GRID1: variants seen among roughly 807,000 people sequenced by gnomAD.
The protein encoded by GRID1 is glutamate ionotropic receptor delta type subunit 1.
A neutral mutation model predicts 98.0 loss-of-function variants in GRID1; 28 were observed. The observed-to-expected ratio is 0.29, with a 90% CI of 0.21 to 0.39. GRID1 has a LOEUF of 0.39. Ranked by LOEUF, GRID1 falls within the 10% of genes least tolerant of loss-of-function variation. The pLI is 1.00. For missense variants in GRID1, 1,111 were observed against 1,340.5 expected, an observed-to-expected ratio of 0.83 and a Z score of 2.67; for synonymous variants, 553 against 538.5, an observed-to-expected ratio of 1.03 and a Z score of -0.37.
At chr10:85,971,292 T>TA (rs1842404322) in intron 4 of GRID1, among the ~76,000 whole-genome samples, 1 of 152,118 alleles carries the variant, frequency 6.6e-6, no homozygotes, top group South Asian at 2.1e-4. Context: ...CATAGATTTT[T>TA]AAAATAAGAC....
At chr10:85,649,486 TC>T (rs988535105) in intron 12 of GRID1, among the ~76,000 whole-genome samples, 3 of 151,468 alleles carry the variant, frequency 2.0e-5, no homozygotes, top group African/African-American at 4.8e-5. Context: ...AGGAGGGGGA[TC>T]TTTTTTTTTT....
chr10:85,620,811 TA>T (rs1842850395), intron 13 of GRID1, among the ~76,000 whole-genome samples: 2 of 152,216 alleles, frequency 1.3e-5, no homozygotes, highest in South Asian at 4.1e-4. Flanking sequence ...TAAGCACACA[TA>T]TATGCACCCA....
At chr10:85,957,492 T>G (rs552752699) in intron 4 of GRID1, among the ~76,000 whole-genome samples, 10 of 152,118 alleles carry the variant, frequency 6.6e-5, no homozygotes, top group Non-Finnish European at 1.3e-4. Context: ...CTGGCCCCTT[T>G]GGCTTCTGTA....
chr10:86,006,808 A>T (rs1842866205), intron 4 of GRID1, among the ~76,000 whole-genome samples: 1 of 151,926 alleles, frequency 6.6e-6, no homozygotes. Flanking sequence ...ACAATTAAAA[A>T]AAAAAAAACA....
At chr10:86,200,885 T>C (rs1219254331) in intron 3 of GRID1, among the ~76,000 whole-genome samples, 3 of 152,166 alleles carry the variant, frequency 2.0e-5, no homozygotes, top group Non-Finnish European at 4.4e-5. Context: ...TAAAATTACA[T>C]TTTACACTAG....
At chr10:85,629,349 C>T (rs1842948418) in intron 13 of GRID1, among the ~76,000 whole-genome samples, 1 of 152,006 alleles carries the variant, frequency 6.6e-6, no homozygotes, top group South Asian at 2.1e-4. Context: ...TATATTGTAC[C>T]CTTCATGTAA....
chr10:86,191,635 T>C (rs1328461220), intron 3 of GRID1, among the ~76,000 whole-genome samples: 2 of 152,040 alleles, frequency 1.3e-5, no homozygotes, highest in African/African-American at 2.4e-5. Context: ...TCTCTGGCCA[T>C]GGTTGGGTCT....
At chr10:85,977,314 C>T (rs1485832391) in intron 4 of GRID1, among the ~76,000 whole-genome samples, 1 of 152,098 alleles carries the variant, frequency 6.6e-6, no homozygotes, top group Non-Finnish European at 1.5e-5. Context: ...GAATCTGTCC[C>T]AGGCAGGTAA....
intron 8 of GRID1, among the ~76,000 whole-genome samples, chr10:85,804,158 GA>G (rs545708638): frequency 1.3e-5 from 2 of 149,902 alleles, no homozygotes; most frequent in African/African-American, 2.4e-5. Flanking sequence ...AGAAAAAAAT[GA>G]AAAAAAAGCA....
intron 1 of GRID1, among the ~76,000 whole-genome samples, chr10:86,364,448 C>T (rs935243382): frequency 1.3e-5 from 2 of 152,226 alleles, no homozygotes; most frequent in Non-Finnish European, 2.9e-5. Flanking sequence ...CCCCAGGCAG[C>T]GCCCAAATGC....
intron 12 of GRID1, among the ~76,000 whole-genome samples, chr10:85,667,919 G>C (rs1031309469): frequency 2.6e-5 from 4 of 152,164 alleles, no homozygotes; most frequent in Non-Finnish European, 5.9e-5. Context: ...TGCTGAGCCA[G>C]TGCTCTCCCT....
chr10:85,870,107 C>T (rs757200494), intron 5 of GRID1, among the ~76,000 whole-genome samples: 1 of 152,308 alleles, frequency 6.6e-6, no homozygotes, highest in Non-Finnish European at 1.5e-5. Context: ...ACATTTGAGT[C>T]AGTGGTCTGG....
At chr10:86,011,451 A>C (rs1159219341) in intron 4 of GRID1, among the ~76,000 whole-genome samples, 1 of 152,172 alleles carries the variant, frequency 6.6e-6, no homozygotes, top group African/African-American at 2.4e-5. Context: ...GTAATGCTCG[A>C]CTCCCAAAGA....
intron 2 of GRID1, among the ~76,000 whole-genome samples, chr10:86,207,785 C>CTA: frequency 6.6e-6 from 1 of 151,978 alleles, no homozygotes; most frequent in African/African-American, 2.4e-5. Flanking sequence ...GCACGCGCCA[C>CTA]CATGCCCGGC....
chr10:85,613,227 CT>C (rs1842752598), intron 15 of GRID1, 179 bp downstream of exon 15: 4 of 664,056 alleles, frequency 6.0e-6, no homozygotes, highest in Non-Finnish European at 1.0e-5. Flanking sequence ...CCCTACATTT[CT>C]TCTCTAGTTT....
At chr10:86,274,373 A>C (rs1321296463) in intron 2 of GRID1, among the ~76,000 whole-genome samples, 1 of 152,196 alleles carries the variant, frequency 6.6e-6, no homozygotes, top group Non-Finnish European at 1.5e-5. Flanking sequence ...CTTTTGGCTT[A>C]GGATTGACTT....
At position 86,278,835 on chromosome 10, in the gene GRID1, C is replaced by G. The variant is rs73334094; in HGVS notation, c.236-72187G>C. On this transcript the variant is annotated intron_variant, in intron 2 of 15. Coordinates refer to ENST00000327946, the MANE Select transcript of GRID1 (RefSeq NM_017551.3). ...CTGATGGCCTCACTGATGAATTCTACCACATGTTTAAGAAAGAAATGATAC... is the reference window on the plus strand; with the variant it reads ...CTGATGGCCTCACTGATGAATTCTAGCACATGTTTAAGAAAGAAATGATAC... 6.6e-4 allele frequency among the ~76,000 whole-genome samples: 100 copies of G among 152,338 alleles called. 1 individual carries two copies. The highest frequency in any genetic ancestry group is 2.3e-3 in the African/African-American group (97 of 41,576).
intron 4 of GRID1, among the ~76,000 whole-genome samples, chr10:85,966,392 G>C (rs940021260): frequency 1.1e-4 from 16 of 152,156 alleles, no homozygotes; most frequent in African/African-American, 3.9e-4. Flanking sequence ...CTGGCCTTGA[G>C]ACCATATATA....
At chr10:85,656,962 A>C (rs1840905985) in intron 12 of GRID1, among the ~76,000 whole-genome samples, 1 of 152,180 alleles carries the variant, frequency 6.6e-6, no homozygotes, top group South Asian at 2.1e-4. Context: ...CCAAAGTCAA[A>C]GTGTGCATCC....
Sources: gnomAD v4.1 joint callset for allele counts (sites outside exome capture counted in the v4.1 genomes callset) on GRCh38, gnomAD v4.1.1 for gene constraint, MANE v1.5 for transcripts, NCBI Gene and HGNC (gene_info 2026-07-23, HGNC 2026-07-21) for gene names.